Variants in ST6GALNAC3 observed in about 807,000 individuals in gnomAD.
ST6GALNAC3 encodes ST6 N-acetylgalactosaminide alpha-2,6-sialyltransferase 3, also known as alpha-N-acetylgalactosaminide alpha-2,6-sialyltransferase 3.
In ST6GALNAC3, 25 loss-of-function variants were observed where a neutral mutation model predicts 32.7. That is an observed-to-expected ratio of 0.76 (90% confidence interval 0.56 to 1.07). The LOEUF is 1.07. ST6GALNAC3 is among the 50% of genes least tolerant of loss of function. ST6GALNAC3 has a pLI of 0.00. For synonymous variants in ST6GALNAC3, 129 were observed against 133.1 expected (o/e 0.97, Z 0.21); for missense variants, 355 against 382.4 (o/e 0.93, Z 0.60).
chr1:76,288,791 G>A (rs1191335450), intron 1 of ST6GALNAC3, among the ~76,000 whole-genome samples: 1 of 152,170 alleles, frequency 6.6e-6, no homozygotes, highest in Non-Finnish European at 1.5e-5. Flanking sequence ...CACAGGTGAT[G>A]GTCAGAGTCA....
At chr1:76,401,463 T>A (rs957226391) in intron 2 of ST6GALNAC3, among the ~76,000 whole-genome samples, 2 of 152,214 alleles carry the variant, frequency 1.3e-5, no homozygotes, top group Admixed American at 1.3e-4. Context: ...ATTGTTTTAG[T>A]CTATATCCTG....
At chr1:76,307,336 G>A (rs1277250164) in intron 1 of ST6GALNAC3, among the ~76,000 whole-genome samples, 1 of 152,110 alleles carries the variant, frequency 6.6e-6, no homozygotes, top group East Asian at 1.9e-4. Flanking sequence ...TCTGTGCTTT[G>A]CTACTTCAAC....
intron 1 of ST6GALNAC3, among the ~76,000 whole-genome samples, chr1:76,300,646 T>C (rs1486565400): frequency 2.6e-5 from 4 of 152,018 alleles, no homozygotes; most frequent in Non-Finnish European, 5.9e-5. Flanking sequence ...AACATTATGT[T>C]GAGAGGATTC....
intron 1 of ST6GALNAC3, among the ~76,000 whole-genome samples, chr1:76,140,926 C>T (rs756031490): frequency 1.3e-5 from 2 of 151,506 alleles, no homozygotes; most frequent in African/African-American, 2.4e-5. Context: ...CATGATCCAC[C>T]GTGCCCAGGC....
At chr1:76,144,087 C>T (rs535456421) in intron 1 of ST6GALNAC3, among the ~76,000 whole-genome samples, 24 of 152,170 alleles carry the variant, frequency 1.6e-4, no homozygotes, top group African/African-American at 5.8e-4. Flanking sequence ...GTAAATGAAC[C>T]AGGTCTCTCA....
chr1:76,333,466 G>A (rs1647244627), intron 2 of ST6GALNAC3, among the ~76,000 whole-genome samples: 1 of 152,126 alleles, frequency 6.6e-6, no homozygotes, highest in Non-Finnish European at 1.5e-5. Context: ...ATGCTTGGCA[G>A]TATCTTTTCT....
intron 1 of ST6GALNAC3, among the ~76,000 whole-genome samples, chr1:76,135,611 A>G (rs867742660): frequency 2.3e-4 from 35 of 152,170 alleles, no homozygotes; most frequent in African/African-American, 8.0e-4. Context: ...TCTTTTGGGT[A>G]TGCATTTTAC....
intron 1 of ST6GALNAC3, among the ~76,000 whole-genome samples, chr1:76,143,392 C>CGTGT (rs4034974): frequency 0.11 from 15,045 of 142,294 alleles, 950 homozygotes; most frequent in African/African-American, 0.18. Context: ...CTTACCAAGT[C>CGTGT]GTGTGTGTGT....
intron 2 of ST6GALNAC3, among the ~76,000 whole-genome samples, chr1:76,333,826 GATT>G (rs1241647597): frequency 6.6e-6 from 1 of 152,118 alleles, no homozygotes; most frequent in Admixed American, 6.6e-5. Flanking sequence ...TTTATCAAGT[GATT>G]ACTGGCATTT....
intron 2 of ST6GALNAC3, among the ~76,000 whole-genome samples, chr1:76,390,904 C>A (rs2101151852): frequency 8.2e-6 from 1 of 122,586 alleles, no homozygotes; most frequent in East Asian, 2.2e-4. Flanking sequence ...CTCCTCAAAT[C>A]ATTTTACCTC....
chr1:76,132,518 A>C (rs137984132), intron 1 of ST6GALNAC3, among the ~76,000 whole-genome samples: 309 of 152,232 alleles, frequency 2.0e-3, no homozygotes, highest in Middle Eastern at 6.8e-3. Flanking sequence ...TCTTCAGTGG[A>C]GACTGCCTAT....
intron 1 of ST6GALNAC3, among the ~76,000 whole-genome samples, chr1:76,112,074 C>CG (rs1426992822): frequency 2.0e-5 from 3 of 147,814 alleles, no homozygotes; most frequent in Non-Finnish European, 3.0e-5. Context: ...GGGGCTGACC[C>CG]CCCCACCTCC....
chr1:76,173,277 G>A (rs1484756916), intron 1 of ST6GALNAC3, among the ~76,000 whole-genome samples: 1 of 152,168 alleles, frequency 6.6e-6, no homozygotes, highest in Non-Finnish European at 1.5e-5. Flanking sequence ...AAACTGGCTA[G>A]CCATATGCAG....
chr1:76,276,678 A>G (rs1301828317), intron 1 of ST6GALNAC3, among the ~76,000 whole-genome samples: 1 of 152,206 alleles, frequency 6.6e-6, no homozygotes, highest in African/African-American at 2.4e-5. Flanking sequence ...ATGTACATAC[A>G]TATATAAGAA....
intron 1 of ST6GALNAC3, among the ~76,000 whole-genome samples, chr1:76,086,814 A>G (rs190681158): frequency 1.3e-5 from 2 of 152,212 alleles, no homozygotes; most frequent in Admixed American, 6.5e-5. Context: ...ACAGCTCACC[A>G]TGTCATCCCT....
intron 3 of ST6GALNAC3, among the ~76,000 whole-genome samples, chr1:76,622,449 G>A (rs1648710160): frequency 6.6e-6 from 1 of 151,960 alleles, no homozygotes. Flanking sequence ...AGCAGAGTAG[G>A]AACTGGAGAT....
intron 1 of ST6GALNAC3, among the ~76,000 whole-genome samples, chr1:76,077,533 G>A (rs1487846617): frequency 6.6e-6 from 1 of 152,184 alleles, no homozygotes; most frequent in African/African-American, 2.4e-5. Flanking sequence ...AATAGAGAAG[G>A]ATAAATTGTG....
intron 3 of ST6GALNAC3, among the ~76,000 whole-genome samples, chr1:76,441,056 C>T (rs1656548179): frequency 1.4e-5 from 2 of 147,102 alleles, no homozygotes; most frequent in African/African-American, 5.1e-5. Flanking sequence ...CCACTGCACT[C>T]CAGCCTGGGC....
intron 3 of ST6GALNAC3, chr1:76,577,454 A>G (rs1268401511): frequency 2.4e-5 from 7 of 292,378 alleles, no homozygotes; most frequent in Non-Finnish European, 3.0e-5. Flanking sequence ...GCTCAAAATT[A>G]AAGCATTAAA....
Sources: allele counts gnomAD v4.1 joint callset (sites outside exome capture counted in the v4.1 genomes callset), GRCh38; gene constraint gnomAD v4.1.1; transcripts MANE v1.5; gene names NCBI Gene and HGNC (gene_info 2026-07-23, HGNC 2026-07-21).